ARMH4: variants seen among roughly 807,000 people sequenced by gnomAD.
The protein encoded by ARMH4 is armadillo-like helical domain-containing protein 4.
A neutral mutation model predicts 61.9 loss-of-function variants in ARMH4; 49 were observed. The ratio of observed to expected loss-of-function variants is 0.79; its 90% CI spans 0.63 to 1.00. ARMH4 has a LOEUF of 1.00. ARMH4 is among the 50% of genes least tolerant of loss of function. The pLI is 0.00. For missense variants in ARMH4, 934 were observed against 930.0 expected (o/e 1.00, Z -0.06); for synonymous variants, 368 against 341.5 (o/e 1.08, Z -0.85).
intron 4 of ARMH4, among the ~76,000 whole-genome samples, chr14:58,120,078 G>A (rs963017418): frequency 6.6e-6 from 1 of 152,026 alleles, no homozygotes; most frequent in African/African-American, 2.4e-5. Flanking sequence ...AATATAGAAG[G>A]TGTAGACCTA....
At chr14:58,118,127 C>G (rs1190553284) in intron 4 of ARMH4, among the ~76,000 whole-genome samples, 1 of 152,142 alleles carries the variant, frequency 6.6e-6, no homozygotes, top group Admixed American at 6.5e-5. Context: ...GAGCTGAATT[C>G]TTTCTGTTTC....
Position 58,075,209 on chromosome 14 carries a change from G to A in ARMH4, c.2089+21515C>T, listed in dbSNP as rs1386076466. Among the ~76,000 whole-genome samples the A allele has an allele frequency of 2.6e-5, 4 of 152,118 alleles. No homozygotes were observed. The South Asian group carries it at 8.3e-4, about 32-fold the overall frequency. The stretch of plus-strand genomic sequence containing the variant: ...GAAGACAGTGTGGTGATTCCTCAAG[G>A]ATCTAGAACTAGAAATACCATTTGA... On this transcript the variant is annotated intron_variant, in intron 5 of 7. Coordinates refer to ENST00000267485, the MANE Select transcript of ARMH4 (RefSeq NM_001001872.4).
At chr14:58,008,365 T>C (rs1882264550) in intron 6 of ARMH4, among the ~76,000 whole-genome samples, 1 of 152,230 alleles carries the variant, frequency 6.6e-6, no homozygotes. Context: ...CTTACTCTTG[T>C]ATCTCATCTG....
chr14:58,047,122 G>A (rs1352978599), intron 5 of ARMH4, among the ~76,000 whole-genome samples: 3 of 152,160 alleles, frequency 2.0e-5, no homozygotes, highest in South Asian at 2.1e-4. Flanking sequence ...CTTGCAGCCA[G>A]CCTCAATATC....
intron 5 of ARMH4, among the ~76,000 whole-genome samples, chr14:58,053,487 T>C (rs1884217414): frequency 2.0e-5 from 3 of 152,160 alleles, no homozygotes; most frequent in South Asian, 4.1e-4. Context: ...CCACCCTTCA[T>C]AGATCAATTC....
intron 5 of ARMH4, among the ~76,000 whole-genome samples, chr14:58,052,317 C>T (rs1048036378): frequency 1.3e-5 from 2 of 152,168 alleles, no homozygotes; most frequent in Non-Finnish European, 2.9e-5. Context: ...GGTGCCAGCT[C>T]TGTGCCAAGT....
chr14:58,081,267 G>A (rs543650682), intron 5 of ARMH4, among the ~76,000 whole-genome samples: 15 of 152,178 alleles, frequency 9.9e-5, no homozygotes, highest in African/African-American at 1.9e-4. Context: ...CAAACGTAGC[G>A]TCTCAGGCCC....
At chr14:58,059,091 G>A (rs1010652524) in intron 5 of ARMH4, among the ~76,000 whole-genome samples, 8 of 152,298 alleles carry the variant, frequency 5.3e-5, no homozygotes, top group South Asian at 2.1e-4. Flanking sequence ...TGAACCATGC[G>A]GTAGACAGAG....
chr14:58,147,584 A>G (rs1887777887), intron 1 of ARMH4, among the ~76,000 whole-genome samples: 1 of 152,164 alleles, frequency 6.6e-6, no homozygotes, highest in Non-Finnish European at 1.5e-5. Context: ...AATTGCTTGG[A>G]TTATAGGTGT....
chr14:58,125,106 GA>G (rs1886855467), intron 4 of ARMH4, among the ~76,000 whole-genome samples: 1 of 151,986 alleles, frequency 6.6e-6, no homozygotes, highest in Non-Finnish European at 1.5e-5. Flanking sequence ...CATCAGAAAG[GA>G]AAGGAAAGGA....
At chr14:58,008,154 G>T (rs1244854770) in intron 6 of ARMH4, among the ~76,000 whole-genome samples, 12 of 152,122 alleles carry the variant, frequency 7.9e-5, no homozygotes, top group Non-Finnish European at 1.5e-5. Context: ...ACTGCACAGA[G>T]ATCTGCTTAA....
chr14:58,091,180 C>T (rs1409927637), intron 5 of ARMH4, among the ~76,000 whole-genome samples: 1 of 151,838 alleles, frequency 6.6e-6, no homozygotes, highest in East Asian at 1.9e-4. Context: ...CCACTGCACT[C>T]CAGCCTGGGC....
rs905979906 is a variant in ARMH4, at chr14:58,129,099, A to G, written c.1831+2413T>C. Among the ~76,000 whole-genome samples, 6 of 152,224 alleles carry G rather than the reference A, an allele frequency of 3.9e-5. No individual in the cohort carries two copies. The East Asian group carries it at 7.7e-4, about 20-fold the overall frequency. On this transcript the variant is annotated intron_variant, in intron 4 of 7. Transcript: ENST00000267485. ...CAGGCTCCAGACTGCGTAAGAATAA[A>G]TTTCTGTTGTTTTAAGCCACCCAGT... is the stretch of plus-strand genomic sequence containing the variant.
chr14:58,095,362 G>C (rs1303562112), intron 5 of ARMH4, among the ~76,000 whole-genome samples: 1 of 151,794 alleles, frequency 6.6e-6, no homozygotes, highest in East Asian at 1.9e-4. Context: ...TTTTTAACCT[G>C]TTCGGTATAA....
intron 5 of ARMH4, among the ~76,000 whole-genome samples, chr14:58,035,988 C>T (rs2141173353): frequency 7.7e-6 from 1 of 129,964 alleles, no homozygotes; most frequent in East Asian, 2.1e-4. Context: ...GGAACTGGTA[C>T]CATTCCTTCT....
At chr14:58,076,500 C>A (rs1159133610) in intron 5 of ARMH4, among the ~76,000 whole-genome samples, 5 of 152,214 alleles carry the variant, frequency 3.3e-5, no homozygotes, top group Non-Finnish European at 5.9e-5. Context: ...AAACAGAGGT[C>A]TGCTGCCTGA....
chr14:58,028,583 C>G (rs576691710), intron 5 of ARMH4, among the ~76,000 whole-genome samples: 48 of 152,220 alleles, frequency 3.2e-4, no homozygotes, highest in Non-Finnish European at 5.9e-4. Context: ...GGTTTCAGCT[C>G]CCATTCCCTG....
chr14:58,024,670 C>G (rs1003896977), intron 5 of ARMH4, among the ~76,000 whole-genome samples: 13 of 152,154 alleles, frequency 8.5e-5, no homozygotes, highest in African/African-American at 2.9e-4. Flanking sequence ...ACATGCCTTC[C>G]CCACTAAGCT....
intron 5 of ARMH4, among the ~76,000 whole-genome samples, chr14:58,035,068 C>T (rs2141171837): frequency 6.9e-6 from 1 of 145,256 alleles, no homozygotes; most frequent in South Asian, 2.3e-4. Flanking sequence ...TAGACATCTA[C>T]AGAACTCTCC....
Sources: gnomAD v4.1 joint callset for allele counts (sites outside exome capture counted in the v4.1 genomes callset) on GRCh38, gnomAD v4.1.1 for gene constraint, MANE v1.5 for transcripts, NCBI Gene and HGNC (gene_info 2026-07-23, HGNC 2026-07-21) for gene names.